Variants in YES1 observed in about 807,000 individuals in gnomAD.
YES1 encodes the protein YES proto-oncogene 1, Src family tyrosine kinase.
A neutral mutation model predicts 70.4 loss-of-function variants in YES1; 39 were observed. That is an observed-to-expected ratio of 0.55 (90% CI 0.43 to 0.72). The LOEUF (loss-of-function observed/expected upper bound fraction) is 0.72, where lower values mean the gene tolerates loss of function less well. Ranked by LOEUF, YES1 falls within the 30% of genes least tolerant of loss-of-function variation. The pLI is 0.00. For missense variants in YES1, 495 were observed against 644.8 expected, an observed-to-expected ratio of 0.77 and a Z score of 2.52; for synonymous variants, 198 against 218.6, an observed-to-expected ratio of 0.91 and a Z score of 0.83.
At chr18:765,929 A>G (rs1369714617) in intron 1 of YES1, among the ~76,000 whole-genome samples, 1 of 152,228 alleles carries the variant, frequency 6.6e-6, no homozygotes, top group Non-Finnish European at 1.5e-5. Flanking sequence ...TAAGTGAGCC[A>G]TGAAATGAGG....
chr18:732,959 T>G lies in YES1; in HGVS notation c.1298A>C (p.Lys433Thr), dbSNP rs2080109621. Residue 433 changes from lysine (K) to threonine (T), a missense_variant, in exon 11 of 12, where the codon AAA becomes ACA. Lys to Thr is a moderately conservative substitution (Grantham distance 78, BLOSUM62 -1). This residue lies in a region of YES1 where 385 missense variants were observed against 540.9 expected (regional missense o/e 0.71). Coordinates refer to ENST00000314574, the MANE Select transcript of YES1 (RefSeq NM_005433.4). The stretch of plus-strand genomic sequence containing the variant: ...AGGAGCTGTCCATTTGATTGGAAAT[T>G]TTGCACCTAAAATAATGTTGACCAT... ...DNEYTARQGA[K>T]FPIKWTAPEA... 3 of 1,614,026 alleles carry G rather than the reference T, an allele frequency of 1.9e-6. No individual in the cohort carries two copies. Among genetic ancestry groups the G allele is most frequent in the Non-Finnish European group, 2.5e-6 (3 of 1,180,016 alleles).
Position 739,782 on chromosome 18 carries a change from C to G in YES1, c.1090G>C (p.Asp364His). The G allele has an allele frequency of 6.2e-7, 1 of 1,612,366 alleles. No homozygotes were observed. The highest frequency in any genetic ancestry group is 2.2e-5 in the East Asian group (1 of 44,822). ...TGTGGAAGCTTCAAATACTTTCCATCTCCTTCCTTAAGGAAATCTAATAAG... is the reference window on the plus strand; with the variant it reads ...TGTGGAAGCTTCAAATACTTTCCATGTCCTTCCTTAAGGAAATCTAATAAG... Reference protein sequence around the residue: ...GSLLDFLKEGDGKYLKLPQLV... With the variant: ...GSLLDFLKEGHGKYLKLPQLV... The change falls in exon 9 of 12, where the codon GAT becomes CAT. Residue 364 changes from aspartate (D) to histidine (H), a missense_variant. This residue lies in a region of YES1 where 385 missense variants were observed against 540.9 expected (regional missense o/e 0.71). Coordinates refer to ENST00000314574, the MANE Select transcript of YES1 (RefSeq NM_005433.4).
chr18:738,598 G>C (rs1204010729), intron 9 of YES1: 2 of 150,354 alleles, frequency 1.3e-5, no homozygotes, highest in Non-Finnish European at 1.5e-5. Flanking sequence ...GCTGAGGCGG[G>C]AGAATTGTGT....
chr18:769,115 TA>T (rs1363466112), intron 1 of YES1, among the ~76,000 whole-genome samples: 1 of 151,978 alleles, frequency 6.6e-6, no homozygotes, highest in Non-Finnish European at 1.5e-5. Context: ...ATAGCCTAGG[TA>T]TATAGGTATA....
intron 1 of YES1, among the ~76,000 whole-genome samples, chr18:758,487 G>C (rs4084146): frequency 6.6e-6 from 1 of 151,868 alleles, no homozygotes; most frequent in African/African-American, 2.4e-5. Context: ...TGTTTCCCCA[G>C]TGCATATGCC....
In YES1 at chr18:724,324, T is replaced by A; in HGVS notation, c.*100A>T. On this transcript the variant is annotated 3_prime_UTR_variant, in exon 12 of 12. Coordinates refer to ENST00000314574, the MANE Select transcript of YES1 (RefSeq NM_005433.4). ...GGATTCCAGTTTACCATTAAAAACA[T>A]GCAGAGTAAAGAAGATTTTCTTCTT... The A allele has an allele frequency of 8.6e-7, 1 of 1,164,424 alleles. No homozygotes were observed. The highest frequency in any genetic ancestry group is 1.2e-6 in the Non-Finnish European group (1 of 830,252). 72.1% of individuals were successfully genotyped at this position (1,164,424 alleles called of 1,614,324 possible).
intron 3 of YES1, among the ~76,000 whole-genome samples, chr18:749,456 C>T (rs2080318172): frequency 6.6e-6 from 1 of 152,106 alleles, no homozygotes; most frequent in South Asian, 2.1e-4. Context: ...CAAGATCATG[C>T]CATTGCACTC....
intron 1 of YES1, among the ~76,000 whole-genome samples, chr18:768,692 G>GTTATTTAT (rs369460488): frequency 6.6e-6 from 1 of 151,852 alleles, no homozygotes; most frequent in Non-Finnish European, 1.5e-5. Context: ...GTTTAGATAT[G>GTTATTTAT]TTATTTATTT....
intron 1 of YES1, among the ~76,000 whole-genome samples, chr18:757,309 C>G (rs920490737): frequency 1.3e-5 from 2 of 151,380 alleles, no homozygotes; most frequent in Admixed American, 6.6e-5. Context: ...TGAGACCATC[C>G]TGGCTAACAC....
chr18:782,802 C>A (rs1905740343), intron 1 of YES1, among the ~76,000 whole-genome samples: 1 of 152,184 alleles, frequency 6.6e-6, no homozygotes, highest in African/African-American at 2.4e-5. Flanking sequence ...TCAAGTGATT[C>A]TTGTGCCTCA....
At chr18:769,948 C>T (rs1367041016) in intron 1 of YES1, among the ~76,000 whole-genome samples, 3 of 145,958 alleles carry the variant, frequency 2.1e-5, no homozygotes, top group African/African-American at 7.9e-5. Flanking sequence ...GAAGTATTCT[C>T]TTCCTGTTCT....
intron 1 of YES1, among the ~76,000 whole-genome samples, chr18:808,092 T>A (rs965556855): frequency 6.6e-6 from 1 of 152,218 alleles, no homozygotes; most frequent in African/African-American, 2.4e-5. Context: ...TACAGGATTC[T>A]CTGTCTTTCC....
intron 6 of YES1, 31 bp from the exon 7 acceptor site, chr18:743,446 T>C: frequency 6.5e-7 from 1 of 1,547,276 alleles, no homozygotes; most frequent in Non-Finnish European, 8.8e-7. Context: ...TACTGTAATA[T>C]CAATTACAAA....
At chr18:767,290 T>C (rs1358025289) in intron 1 of YES1, among the ~76,000 whole-genome samples, 1 of 152,092 alleles carries the variant, frequency 6.6e-6, no homozygotes, top group South Asian at 2.1e-4. Flanking sequence ...GCTGGGACTA[T>C]AGGCGAGCAC....
chr18:802,256 A>C lies in YES1; in HGVS notation c.-9+9858T>G, dbSNP rs539058121. 2.6e-5 allele frequency among the ~76,000 whole-genome samples: 4 copies of C among 152,354 alleles called. No homozygotes were observed. In the East Asian group the frequency reaches 7.7e-4, roughly 29 times the overall value. ...CACAGCAAGACCATCTCTCTTAAAA[A>C]AGAAAGAAAATAAAATAATTAGAAA... is the stretch of plus-strand genomic sequence containing the variant. On this transcript the variant is annotated intron_variant, in intron 1 of 11. Transcript: ENST00000314574.
chr18:771,308 A>G (rs1905145782), intron 1 of YES1, among the ~76,000 whole-genome samples: 1 of 152,080 alleles, frequency 6.6e-6, no homozygotes, highest in African/African-American at 2.4e-5. Flanking sequence ...CGGAGGTTGC[A>G]GTGAGCCAAG....
chr18:752,778 A>G (rs2080358131), intron 2 of YES1, among the ~76,000 whole-genome samples: 1 of 152,084 alleles, frequency 6.6e-6, no homozygotes, highest in African/African-American at 2.4e-5. Flanking sequence ...CCCTGTCTGT[A>G]CTAAAAATAC....
chr18:773,646 C>T (rs1400441107), intron 1 of YES1, among the ~76,000 whole-genome samples: 1 of 152,168 alleles, frequency 6.6e-6, no homozygotes, highest in Admixed American at 6.6e-5. Flanking sequence ...TTTCATAATC[C>T]TGTCCATTGT....
At chr18:805,896 G>A (rs1279520546) in intron 1 of YES1, among the ~76,000 whole-genome samples, 4 of 152,112 alleles carry the variant, frequency 2.6e-5, no homozygotes, top group Admixed American at 6.6e-5. Flanking sequence ...AATTAGAGAA[G>A]TGAAAATCCT....
Sources: allele counts gnomAD v4.1 joint callset (sites outside exome capture counted in the v4.1 genomes callset), GRCh38; gene constraint gnomAD v4.1.1; regional missense constraint gnomAD v4.1.1; transcripts MANE v1.5; gene names NCBI Gene and HGNC (gene_info 2026-07-23, HGNC 2026-07-21).